The following PMFBP1 variants were observed in gnomAD, a reference collection of about 807,000 sequenced individuals.
PMFBP1 encodes polyamine modulated factor 1 binding protein 1, also known as polyamine-modulated factor 1-binding protein 1.
PMFBP1 carries 131 observed loss-of-function variants against 137.8 expected under a neutral mutation model. The ratio of observed to expected loss-of-function variants is 0.95; its 90% CI spans 0.82 to 1.10. The LOEUF is 1.10. Ranked by LOEUF, PMFBP1 falls within the 50% of genes least tolerant of loss-of-function variation. The pLI is 0.00. For synonymous variants in PMFBP1, 490 were observed against 450.4 expected, an observed-to-expected ratio of 1.09 and a Z score of -1.11; for missense variants, 1,199 against 1,175.4, an observed-to-expected ratio of 1.02 and a Z score of -0.29.
At chr16:72,126,202 G>A in intron 14 of PMFBP1, 70 bp from the exon 15 acceptor site, 2 of 1,533,574 alleles carry the variant, frequency 1.3e-6, no homozygotes, top group Non-Finnish European at 1.8e-6. Context: ...TGTGCCTATA[G>A]GAAATGAACA....
downstream of PMFBP1, among the ~76,000 whole-genome samples, chr16:72,116,864 C>T (rs946223737): frequency 2.6e-5 from 4 of 151,876 alleles, no homozygotes; most frequent in African/African-American, 9.7e-5. Context: ...GTTTGTATGT[C>T]TGTCTTTTGA....
chr16:72,204,094 A>T, the PMFBP1 span, among the ~76,000 whole-genome samples: 1 of 152,118 alleles, frequency 6.6e-6, no homozygotes, highest in Non-Finnish European at 1.5e-5. Context: ...CCCAAGCTGG[A>T]AGCAGATTTT....
At chr16:72,121,842 A>C (rs1201426350) in intron 19 of PMFBP1, among the ~76,000 whole-genome samples, 1 of 152,150 alleles carries the variant, frequency 6.6e-6, no homozygotes, top group Non-Finnish European at 1.5e-5. Flanking sequence ...CGTCCAGGCT[A>C]GTCTTAAACT....
chr16:72,182,521 A>C, the PMFBP1 span, among the ~76,000 whole-genome samples: 4 of 151,230 alleles, frequency 2.6e-5, no homozygotes, highest in Non-Finnish European at 5.9e-5. Flanking sequence ...AAAAAAGGCC[A>C]AGAGGTTAGG....
In PMFBP1 at chr16:72,150,626, G is replaced by C. The variant is rs1047412342; in HGVS notation, c.618C>G (p.Leu206=). The C allele has an allele frequency of 1.2e-6, 2 of 1,613,134 alleles. No homozygotes were observed. The highest frequency in any genetic ancestry group is 4.5e-5 in the East Asian group (2 of 44,872). The stretch of plus-strand genomic sequence containing the variant: ...GTCCTACCTGACCCATGATCCCGCC[G>C]AGTTCCCCCTGCAACATCTTCACTT... ...ECQVKMLQGE[L]GGIMGQEPEN... The change falls in exon 5 of 21, where the codon CTC becomes CTG. Residue 206 remains leucine, a synonymous_variant. Transcript: ENST00000237353.
the PMFBP1 span, among the ~76,000 whole-genome samples, chr16:72,231,788 T>C: frequency 6.6e-6 from 1 of 152,224 alleles, no homozygotes; most frequent in Non-Finnish European, 1.5e-5. Flanking sequence ...AATTTTTATA[T>C]GTGTTTTATT....
At chr16:72,119,404 G>A (rs768103095) in intron 20 of PMFBP1, 50 bp from the exon 21 acceptor site, 8 of 1,613,922 alleles carry the variant, frequency 5.0e-6, no homozygotes, top group Non-Finnish European at 6.8e-6. Context: ...AGAAATTAAC[G>A]AGGTGATTCC....
chr16:72,219,396 C>T, the PMFBP1 span, among the ~76,000 whole-genome samples: 6 of 152,060 alleles, frequency 3.9e-5, no homozygotes, highest in South Asian at 2.1e-4. Context: ...TGAAGCAGGA[C>T]GGCAGGGATG....
At chr16:72,140,372 G>C (rs762619299) in intron 6 of PMFBP1, 40 bp downstream of exon 6, 2 of 1,556,616 alleles carry the variant, frequency 1.3e-6, no homozygotes, top group Non-Finnish European at 8.9e-7. Context: ...TGTCTTGATT[G>C]AGGGTCTCCC....
At position 72,124,900 on chromosome 16, in the gene PMFBP1, C is replaced by A; in HGVS notation, c.2456G>T (p.Ser819Ile). The A allele has an allele frequency of 6.2e-7, 1 of 1,614,192 alleles. No homozygotes were observed. The highest frequency in any genetic ancestry group is 8.5e-7 in the Non-Finnish European group (1 of 1,180,020). Residue 819 changes from serine to isoleucine, a missense_variant, in exon 17 of 21, where the codon AGC becomes ATC. Coordinates refer to ENST00000237353, the MANE Select transcript of PMFBP1 (RefSeq NM_031293.3). ...HAFDKKLEEM[S>I]CQVLQWQKQH... ...CTTCTGCCACTGCAGCACCTGGCAG[C>A]TCATCTCCTCTAGCTTCTTGTCAAA...
At position 72,130,342 on chromosome 16, in the gene PMFBP1, CT is replaced by C. The variant is rs1354577791; in HGVS notation, c.1652del (p.Glu551GlyfsTer4). On this transcript the variant is annotated frameshift_variant, in exon 12 of 21. Coordinates refer to ENST00000237353, the MANE Select transcript of PMFBP1 (RefSeq NM_031293.3). LOFTEE classifies it high-confidence loss of function. ...GGGCTTCAGAGAGTTCTAATGACAG[CT>C]CCTCCACCCGTTTTCTAAAGCAAAA... ...EQTSNRKRVE[E>X]LSLELSEALR... 1 of 1,614,076 alleles carries C rather than the reference CT, an allele frequency of 6.2e-7. No homozygotes were observed. The highest frequency in any genetic ancestry group is 8.5e-7 in the Non-Finnish European group (1 of 1,180,038).
At chr16:72,213,205 G>GGT in the PMFBP1 span, among the ~76,000 whole-genome samples, 1 of 150,262 alleles carries the variant, frequency 6.7e-6, no homozygotes, top group East Asian at 2.0e-4. Flanking sequence ...CCCGGGGGGG[G>GGT]GTGGGGAAAG....
intron 5 of PMFBP1, among the ~76,000 whole-genome samples, chr16:72,146,587 T>C (rs890647852): frequency 2.6e-5 from 4 of 152,164 alleles, no homozygotes; most frequent in East Asian, 1.9e-4. Context: ...TCAAATTGTC[T>C]CTGTTTGCAG....
intron 3 of PMFBP1, among the ~76,000 whole-genome samples, chr16:72,158,487 CATGT>C (rs1021630524): frequency 6.6e-6 from 1 of 151,944 alleles, no homozygotes; most frequent in Non-Finnish European, 1.5e-5. Context: ...GTGGTGTGCT[CATGT>C]ATGTGTGTGT....
the PMFBP1 span, among the ~76,000 whole-genome samples, chr16:72,207,710 A>ATGTGTGTGTGTGTGTGTGTG: frequency 6.3e-3 from 906 of 143,994 alleles, 10 homozygotes; most frequent in Non-Finnish European, 5.8e-3. Context: ...CCAGTAGGGC[A>ATGTGTGTGTGTGTGTGTGTG]TGTGTGTGTG....
At chr16:72,171,867 AAACATGTG>A (rs2043225067) in intron 1 of PMFBP1, 179 bp downstream of exon 1, 1 of 152,276 alleles carries the variant, frequency 6.6e-6, no homozygotes, top group African/African-American at 2.4e-5. Context: ...TAAAGTTAGG[AAACATGTG>A]AAGTGCTGAG....
chr16:72,244,758 A>C, the PMFBP1 span, among the ~76,000 whole-genome samples: 1 of 152,194 alleles, frequency 6.6e-6, no homozygotes, highest in African/African-American at 2.4e-5. Flanking sequence ...TAGTTTATTA[A>C]AGTTAGGCTA....
intron 12 of PMFBP1, among the ~76,000 whole-genome samples, chr16:72,129,483 C>T (rs548702865): frequency 6.6e-6 from 1 of 152,070 alleles, no homozygotes; most frequent in African/African-American, 2.4e-5. Flanking sequence ...ACTTTCTTAC[C>T]AATTCTTCCC....
rs753743570 is a variant in PMFBP1, at chr16:72,164,799, G to GC, written c.129_130insG (p.Gln44AlafsTer33). ...TTCATTGCCTCCTCCATGCAGAGCT[G>GC]ATTGTCCTGCAAGGTCTTCCTCTGT... On this transcript the variant is annotated frameshift_variant, in exon 3 of 21. Coordinates refer to ENST00000237353, the MANE Select transcript of PMFBP1 (RefSeq NM_031293.3). LOFTEE classifies it high-confidence loss of function. 1 of 1,605,700 alleles carries GC rather than the reference G, an allele frequency of 6.2e-7. No homozygotes were observed. Among genetic ancestry groups the GC allele is most frequent in the South Asian group, 1.1e-5 (1 of 90,834 alleles).
Sources: allele counts gnomAD v4.1 joint callset (sites outside exome capture counted in the v4.1 genomes callset), GRCh38; gene constraint gnomAD v4.1.1; transcripts MANE v1.5; gene names NCBI Gene and HGNC (gene_info 2026-07-23, HGNC 2026-07-21).